The following PTPRR variants were observed in gnomAD, a reference collection of about 807,000 sequenced individuals.
PTPRR encodes receptor-type tyrosine-protein phosphatase R.
In PTPRR, 38 loss-of-function variants were observed where a neutral mutation model predicts 77.2. The ratio of observed to expected loss-of-function variants is 0.49; its 90% CI spans 0.38 to 0.65. PTPRR has a LOEUF of 0.65. Among genes scored for constraint, PTPRR ranks in the 30% least tolerant of loss-of-function variants. The pLI is 0.00. For synonymous variants in PTPRR, 299 were observed against 283.1 expected (o/e 1.06, Z -0.57); for missense variants, 744 against 799.2 (o/e 0.93, Z 0.83).
At chr12:70,783,212 G>C (rs1891241167) in intron 2 of PTPRR, among the ~76,000 whole-genome samples, 1 of 152,134 alleles carries the variant, frequency 6.6e-6, no homozygotes, top group Non-Finnish European at 1.5e-5. Context: ...CAGCTCAGAG[G>C]AGACCCACTG....
intron 2 of PTPRR, among the ~76,000 whole-genome samples, chr12:70,781,902 AACAATAC>A (rs1347394446): frequency 6.6e-6 from 1 of 152,226 alleles, no homozygotes; most frequent in Non-Finnish European, 1.5e-5. Context: ...CACATGAAAT[AACAATAC>A]TAACAGTATT....
chr12:70,770,216 A>G (rs957935198), intron 2 of PTPRR, among the ~76,000 whole-genome samples: 3 of 150,038 alleles, frequency 2.0e-5, no homozygotes, highest in East Asian at 3.9e-4. Context: ...ATCAGAGTGA[A>G]CAGGCAACCT....
At chr12:70,860,550 T>G (rs1182252783) in intron 2 of PTPRR, among the ~76,000 whole-genome samples, 1 of 152,166 alleles carries the variant, frequency 6.6e-6, no homozygotes, top group Non-Finnish European at 1.5e-5. Flanking sequence ...TGTCCTGTAC[T>G]TCATGTGTAT....
chr12:70,880,538 AATT>A (rs1429174537), intron 2 of PTPRR, among the ~76,000 whole-genome samples: 1 of 152,052 alleles, frequency 6.6e-6, no homozygotes, highest in Non-Finnish European at 1.5e-5. Flanking sequence ...CACTATCCGA[AATT>A]ATCATGTTCA....
chr12:70,779,997 C>CTT (rs376982227), intron 2 of PTPRR, among the ~76,000 whole-genome samples: 13 of 146,254 alleles, frequency 8.9e-5, no homozygotes, highest in African/African-American at 1.5e-4. Context: ...TTGAAACTCA[C>CTT]TTTTTTTTTT....
chr12:70,908,420 A>T (rs190241549), intron 1 of PTPRR, among the ~76,000 whole-genome samples: 93 of 152,292 alleles, frequency 6.1e-4, no homozygotes, highest in South Asian at 1.4e-3. Context: ...AAAACTTACA[A>T]TCGGCAGAAG....
At chr12:70,863,956 G>A (rs1892797160) in intron 2 of PTPRR, among the ~76,000 whole-genome samples, 1 of 152,114 alleles carries the variant, frequency 6.6e-6, no homozygotes, top group African/African-American at 2.4e-5. Flanking sequence ...CTGGGTTAAG[G>A]CAATGTTCCA....
At chr12:70,841,837 T>C (rs972561185) in intron 2 of PTPRR, among the ~76,000 whole-genome samples, 1 of 152,200 alleles carries the variant, frequency 6.6e-6, no homozygotes, top group Non-Finnish European at 1.5e-5. Context: ...CCAATTATTA[T>C]TTTCATAATG....
At chr12:70,664,464 CAAAG>C (rs1382236968) in intron 10 of PTPRR, 3 of 152,230 alleles carry the variant, frequency 2.0e-5, no homozygotes, top group African/African-American at 7.2e-5. Flanking sequence ...AGGTATTGAA[CAAAG>C]AAAGAGGCAT....
chr12:70,672,754 TC>T (rs1566058728), intron 10 of PTPRR: 1 of 1,553,560 alleles, frequency 6.4e-7, no homozygotes, highest in Non-Finnish European at 8.8e-7. Flanking sequence ...GACTGGGACC[TC>T]CCCAGGTGTT....
chr12:70,774,511 C>T (rs541623641), intron 2 of PTPRR, among the ~76,000 whole-genome samples: 1 of 152,322 alleles, frequency 6.6e-6, no homozygotes, highest in Non-Finnish European at 1.5e-5. Context: ...GAAATTTAGA[C>T]TACCCAACTA....
Position 70,697,664 on chromosome 12 carries a change from G to A in PTPRR, c.1279+601C>T, listed in dbSNP as rs973694927. The stretch of plus-strand genomic sequence containing the variant: ...GTCATAAAGATTTACAGCTGTTTTC[G>A]TTTATGAGTTTTGTAGTTCTAGCTC... On this transcript the variant is annotated intron_variant, in intron 8 of 13. Coordinates refer to ENST00000283228, the MANE Select transcript of PTPRR (RefSeq NM_002849.4). 3.9e-5 allele frequency among the ~76,000 whole-genome samples: 6 copies of A among 151,952 alleles called. No individual in the cohort carries two copies. The East Asian group carries it at 5.8e-4, about 15-fold the overall frequency.
intron 6 of PTPRR, among the ~76,000 whole-genome samples, chr12:70,705,807 G>A (rs1888598890): frequency 1.3e-5 from 2 of 151,848 alleles, no homozygotes; most frequent in Non-Finnish European, 2.9e-5. Context: ...TATGTGGTGA[G>A]AAGCAAGAAC....
At chr12:70,835,705 T>A (rs1222522637) in intron 2 of PTPRR, among the ~76,000 whole-genome samples, 1 of 152,154 alleles carries the variant, frequency 6.6e-6, no homozygotes, top group East Asian at 1.9e-4. Flanking sequence ...CAAGCTTTCA[T>A]GCTAGAAAAG....
intron 2 of PTPRR, among the ~76,000 whole-genome samples, chr12:70,868,046 T>A (rs1892888133): frequency 6.6e-6 from 1 of 152,096 alleles, no homozygotes; most frequent in Non-Finnish European, 1.5e-5. Context: ...TCAAGATGGA[T>A]TAAAGACTTA....
intron 2 of PTPRR, among the ~76,000 whole-genome samples, chr12:70,890,855 A>T (rs971149640): frequency 6.6e-6 from 1 of 152,146 alleles, no homozygotes; most frequent in Non-Finnish European, 1.5e-5. Context: ...CCATCCATAC[A>T]TCCATTTTCT....
chr12:70,902,466 T>G (rs557585685), intron 1 of PTPRR, among the ~76,000 whole-genome samples: 1 of 151,848 alleles, frequency 6.6e-6, no homozygotes, highest in East Asian at 1.9e-4. Context: ...TATGTCTATA[T>G]GAGATACTGA....
At chr12:70,828,316 G>A (rs1421231877) in intron 2 of PTPRR, among the ~76,000 whole-genome samples, 1 of 152,028 alleles carries the variant, frequency 6.6e-6, no homozygotes, top group Non-Finnish European at 1.5e-5. Flanking sequence ...CTCACTTGTC[G>A]TTTTGGTTCT....
intron 2 of PTPRR, among the ~76,000 whole-genome samples, chr12:70,885,686 C>G (rs1248355066): frequency 6.6e-6 from 1 of 151,012 alleles, no homozygotes; most frequent in East Asian, 2.0e-4. Flanking sequence ...AGGCGCCCAC[C>G]ACCATGCCCG....
Sources: allele counts gnomAD v4.1 joint callset (sites outside exome capture counted in the v4.1 genomes callset), GRCh38; gene constraint gnomAD v4.1.1; transcripts MANE v1.5; gene names NCBI Gene and HGNC (gene_info 2026-07-23, HGNC 2026-07-21).